The following FRYL variants were observed in gnomAD, a reference collection of about 807,000 sequenced individuals.
FRYL encodes the protein protein furry homolog-like.
A neutral mutation model predicts 351.2 loss-of-function variants in FRYL; 150 were observed. The observed-to-expected ratio is 0.43, with a 90% CI of 0.37 to 0.49. FRYL has a LOEUF of 0.49. Ranked by LOEUF, FRYL falls within the 20% of genes least tolerant of loss-of-function variation. The probability of loss-of-function intolerance (pLI) is 0.00; values close to 1 mark genes in which losing one functional copy is unlikely to be tolerated. For missense variants in FRYL, 3,036 were observed against 3,619.3 expected (o/e 0.84, Z 4.13); for synonymous variants, 1,153 against 1,257.1 (o/e 0.92, Z 1.75).
At chr4:48,557,260 C>T in intron 34 of FRYL, 142 bp from the exon 35 acceptor site, 1 of 1,214,716 alleles carries the variant, frequency 8.2e-7, no homozygotes, top group South Asian at 1.7e-5. Flanking sequence ...ATAATTTCTT[C>T]CAACAAATCT....
chr4:48,545,611 CTT>C (rs1028020382), intron 42 of FRYL, among the ~76,000 whole-genome samples: 3 of 152,174 alleles, frequency 2.0e-5, no homozygotes, highest in Non-Finnish European at 2.9e-5. Flanking sequence ...GAACAACTCT[CTT>C]TTCTCTGCAT....
At chr4:48,511,854 G>A (rs940523709) in intron 57 of FRYL, among the ~76,000 whole-genome samples, 2 of 152,190 alleles carry the variant, frequency 1.3e-5, no homozygotes, top group African/African-American at 2.4e-5. Flanking sequence ...AAAGGTGGTA[G>A]ATAGTTCAGA....
intron 3 of FRYL, among the ~76,000 whole-genome samples, chr4:48,684,217 G>C (rs983931136): frequency 3.9e-5 from 6 of 152,152 alleles, no homozygotes; most frequent in Non-Finnish European, 7.3e-5. Flanking sequence ...AGGCATTGAA[G>C]ATATGTCTCT....
At chr4:48,674,494 T>A (rs752976369) in intron 3 of FRYL, among the ~76,000 whole-genome samples, 31 of 151,870 alleles carry the variant, frequency 2.0e-4, no homozygotes, top group Non-Finnish European at 4.0e-4. Context: ...AATTGCAACA[T>A]AGGGAGGCCA....
At chr4:48,600,031 C>T (rs74462348) in intron 13 of FRYL, among the ~76,000 whole-genome samples, 4,429 of 151,658 alleles carry the variant, frequency 0.029, 75 homozygotes, top group Admixed American at 0.047. Flanking sequence ...CGCTTGAGTC[C>T]GGGAGGTGAA....
intron 16 of FRYL, among the ~76,000 whole-genome samples, chr4:48,592,081 CTTATATAT>C (rs1743390019): frequency 2.0e-4 from 5 of 24,808 alleles, no homozygotes; most frequent in African/African-American, 8.1e-4. Context: ...AAATAAAGCT[CTTATATAT>C]ATATATATAT....
At chr4:48,620,882 A>C in intron 5 of FRYL, 104 bp from the exon 6 acceptor site, 10 of 960,120 alleles carry the variant, frequency 1.0e-5, no homozygotes, top group Admixed American at 2.5e-5. Flanking sequence ...ACAGTAACTC[A>C]ATGCAATAAA....
chr4:48,772,599 C>A (rs1240174708), intron 1 of FRYL, among the ~76,000 whole-genome samples: 1 of 130,470 alleles, frequency 7.7e-6, no homozygotes, highest in Admixed American at 9.3e-5. Flanking sequence ...AATAAAATTA[C>A]AAATTATCTT....
At chr4:48,653,865 G>A (rs1333054020) in intron 3 of FRYL, 13 of 1,284,512 alleles carry the variant, frequency 1.0e-5, no homozygotes, top group Middle Eastern at 2.8e-4. Flanking sequence ...CGGTTTTGCC[G>A]TTCTGTCTCT....
chr4:48,629,674 G>C (rs1357546737), intron 4 of FRYL, among the ~76,000 whole-genome samples: 3 of 152,116 alleles, frequency 2.0e-5, no homozygotes, highest in African/African-American at 4.8e-5. Context: ...CAGATAACAT[G>C]ATCATAGAGA....
intron 2 of FRYL, among the ~76,000 whole-genome samples, chr4:48,697,034 A>C (rs1158243936): frequency 1.3e-5 from 2 of 152,106 alleles, no homozygotes; most frequent in African/African-American, 4.8e-5. Flanking sequence ...ATATGCATCA[A>C]ATTTCAATAA....
intron 1 of FRYL, among the ~76,000 whole-genome samples, chr4:48,743,066 G>C (rs1772294317): frequency 7.0e-6 from 1 of 142,190 alleles, no homozygotes; most frequent in African/African-American, 2.6e-5. Flanking sequence ...TGATCCATCT[G>C]ACTCAGCCTC....
rs781670173 is a variant in FRYL at position 48,582,688 on chromosome 4, T to C, written c.1795A>G (p.Thr599Ala). ...AAATCAAGCATTAGTGCCTGCAGAG[T>C]ATTGAAAGCCAGAGCACGCAGTTCT... ...DEELRALAFN[T>A]LQALMLDFPD... Residue 599 changes from threonine to alanine, a missense_variant, in exon 20 of 64, where the codon ACT (threonine) becomes GCT (alanine). Transcript: ENST00000358350. 3 of 1,614,092 alleles carry C rather than the reference T, an allele frequency of 1.9e-6. No homozygotes were observed. In the South Asian group the frequency reaches 3.3e-5, roughly 18 times the overall value.
intron 26 of FRYL, among the ~76,000 whole-genome samples, chr4:48,572,821 A>C (rs1738644332): frequency 6.6e-6 from 1 of 152,152 alleles, no homozygotes; most frequent in Non-Finnish European, 1.5e-5. Flanking sequence ...TTACTGTTTT[A>C]CTGGCAAACA....
chr4:48,729,999 G>A (rs983227184), intron 1 of FRYL, among the ~76,000 whole-genome samples: 41 of 152,230 alleles, frequency 2.7e-4, no homozygotes, highest in African/African-American at 7.5e-4. Flanking sequence ...AAGGTTAGAC[G>A]AATGGCTAAT....
At chr4:48,749,671 G>T (rs1773048924) in intron 1 of FRYL, among the ~76,000 whole-genome samples, 1 of 152,212 alleles carries the variant, frequency 6.6e-6, no homozygotes, top group Non-Finnish European at 1.5e-5. Flanking sequence ...GTGGCATAGA[G>T]AATGTTCTGG....
chr4:48,629,625 C>T (rs1427321777), intron 4 of FRYL, among the ~76,000 whole-genome samples: 1 of 151,946 alleles, frequency 6.6e-6, no homozygotes, highest in Non-Finnish European at 1.5e-5. Flanking sequence ...TTATGTCAGA[C>T]AGATTTAGGA....
intron 54 of FRYL, among the ~76,000 whole-genome samples, chr4:48,522,137 G>A (rs1354834025): frequency 6.6e-6 from 1 of 152,150 alleles, no homozygotes; most frequent in African/African-American, 2.4e-5. Context: ...AAAATTAGCT[G>A]TGCATATGTG....
intron 3 of FRYL, chr4:48,638,430 T>C (rs1007833444): frequency 2.0e-5 from 3 of 152,140 alleles, no homozygotes; most frequent in Non-Finnish European, 4.4e-5. Flanking sequence ...CCAGTTAGAA[T>C]GGCAATCATT....
Sources: gnomAD v4.1 joint callset for allele counts (sites outside exome capture counted in the v4.1 genomes callset) on GRCh38, gnomAD v4.1.1 for gene constraint, MANE v1.5 for transcripts, NCBI Gene and HGNC (gene_info 2026-07-23, HGNC 2026-07-21) for gene names.